DGKB: variants seen among roughly 807,000 people sequenced by gnomAD.
DGKB encodes the protein diacylglycerol kinase beta.
Under a neutral mutation model 114.3 loss-of-function variants are expected in DGKB, and 67 were observed. The ratio of observed to expected loss-of-function variants is 0.59; its 90% confidence interval spans 0.48 to 0.72. The LOEUF (loss-of-function observed/expected upper bound fraction) is 0.72, where lower values mean the gene tolerates loss of function less well. Ranked by LOEUF, DGKB falls within the 30% of genes least tolerant of loss-of-function variation. The pLI, the probability that DGKB is intolerant of heterozygous loss-of-function variation, is 0.00. For missense variants in DGKB, 907 were observed against 975.2 expected (o/e 0.93, Z 0.93); for synonymous variants, 398 against 323.1 (o/e 1.23, Z -2.49).
chr7:14,146,882 G>A lies in DGKB; in HGVS notation c.*2249C>T, dbSNP rs755530818. The stretch of plus-strand genomic sequence containing the variant: ...ATCTTATAAGCAGGTTGTTTAATTT[G>A]TCTCATCCCACTGTCTATCCAACAG... On this transcript the variant is annotated 3_prime_UTR_variant, in exon 26 of 26. Transcript: ENST00000402815. 2 of 152,014 alleles carry A rather than the reference G, an allele frequency of 1.3e-5. No individual in the cohort carries two copies. Among genetic ancestry groups the A allele is most frequent in the African/African-American group, 2.4e-5 (1 of 41,402 alleles). The allele number at this position is 152,014 out of a possible 1,614,324, so 9.4% of individuals were successfully genotyped here.
intron 13 of DGKB, among the ~76,000 whole-genome samples, chr7:14,657,417 T>C (rs1336615817): frequency 6.6e-6 from 1 of 151,880 alleles, no homozygotes; most frequent in Non-Finnish European, 1.5e-5. Context: ...AATTGATCTA[T>C]AATGAATATT....
At chr7:14,349,246 A>C (rs1813022298) in intron 21 of DGKB, among the ~76,000 whole-genome samples, 1 of 152,146 alleles carries the variant, frequency 6.6e-6, no homozygotes, top group African/African-American at 2.4e-5. Flanking sequence ...TTACTGATTT[A>C]TGCCATACCT....
chr7:14,315,030 C>G (rs1194908295), intron 23 of DGKB, among the ~76,000 whole-genome samples: 4 of 151,798 alleles, frequency 2.6e-5, no homozygotes, highest in Non-Finnish European at 5.9e-5. Flanking sequence ...TGCAGCCAAA[C>G]TAAGCTTCAA....
At chr7:14,458,965 G>C (rs113079350) in intron 21 of DGKB, among the ~76,000 whole-genome samples, 2 of 152,268 alleles carry the variant, frequency 1.3e-5, no homozygotes, top group Admixed American at 6.5e-5. Flanking sequence ...TGAAATTCTC[G>C]CTGTCAGCAC....
chr7:14,517,173 C>T (rs1788944987), intron 20 of DGKB, among the ~76,000 whole-genome samples: 2 of 152,042 alleles, frequency 1.3e-5, no homozygotes, highest in Non-Finnish European at 1.5e-5. Context: ...ACCGTCTGAT[C>T]TTCAACAAAG....
At chr7:14,300,778 C>A (rs1443386302) in intron 23 of DGKB, among the ~76,000 whole-genome samples, 1 of 151,990 alleles carries the variant, frequency 6.6e-6, no homozygotes, top group Non-Finnish European at 1.5e-5. Context: ...TACTCTTTTT[C>A]CATTTCCTGG....
Position 14,675,464 on chromosome 7 carries a change from A to T in DGKB, c.1036-2437T>A, listed in dbSNP as rs1304545148. ...CTAGTTTCCCAGAAGGAAGGAAAGA[A>T]TCGAAGACTCAGATAGAATCATGCA... is the stretch of plus-strand genomic sequence containing the variant. On this transcript the variant is annotated intron_variant, in intron 12 of 25. Coordinates refer to ENST00000402815, the MANE Select transcript of DGKB (RefSeq NM_001350709.2). 3.9e-5 allele frequency among the ~76,000 whole-genome samples: 6 copies of T among 152,220 alleles called. No homozygotes were observed. In the East Asian group the frequency reaches 1.2e-3, roughly 29 times the overall value.
chr7:14,531,334 T>G (rs981341536), intron 20 of DGKB, among the ~76,000 whole-genome samples: 16 of 151,478 alleles, frequency 1.1e-4, no homozygotes, highest in African/African-American at 3.9e-4. Flanking sequence ...AAAACATCAC[T>G]GGAATTTATA....
Position 14,747,777 on chromosome 7 carries a change from A to ACGCG in DGKB, c.168+6150_168+6151insCGCG, listed in dbSNP as rs1374358213. Among the ~76,000 whole-genome samples the ACGCG allele has an allele frequency of 2.1e-4, 16 of 77,520 alleles. No homozygotes were observed. The African/African-American group carries it at 2.1e-3, about 10-fold the overall frequency. The allele number at this position is 77,520 out of a possible 152,430, so 50.9% of individuals were successfully genotyped here. ...TGTGGGCTCAAACACATCCACGCGC[A>ACGCG]CGCACACACACACACACACACACAA... On this transcript the variant is annotated intron_variant, in intron 4 of 25. Transcript: ENST00000402815.
At chr7:14,647,362 G>C (rs540642971) in intron 13 of DGKB, among the ~76,000 whole-genome samples, 15 of 151,982 alleles carry the variant, frequency 9.9e-5, no homozygotes, top group African/African-American at 3.6e-4. Context: ...ACAACAACAA[G>C]GCCCAGGACA....
chr7:14,839,274 A>G (rs1847579519), intron 2 of DGKB, among the ~76,000 whole-genome samples: 1 of 152,186 alleles, frequency 6.6e-6, no homozygotes, highest in African/African-American at 2.4e-5. Flanking sequence ...AGCAGCAAAG[A>G]GCAGAGCATA....
intron 2 of DGKB, among the ~76,000 whole-genome samples, chr7:14,803,373 C>T (rs752851866): frequency 6.6e-6 from 1 of 152,080 alleles, no homozygotes; most frequent in African/African-American, 2.4e-5. Flanking sequence ...TTAATCCTTG[C>T]ATCTAATACT....
chr7:14,854,628 T>C (rs1352696383), intron 1 of DGKB, among the ~76,000 whole-genome samples: 1 of 152,148 alleles, frequency 6.6e-6, no homozygotes, highest in East Asian at 1.9e-4. Flanking sequence ...GAGGCGGAGC[T>C]CAGGTGGTAA....
chr7:14,671,118 A>G (rs1818889876), intron 13 of DGKB, among the ~76,000 whole-genome samples: 1 of 152,148 alleles, frequency 6.6e-6, no homozygotes, highest in African/African-American at 2.4e-5. Context: ...TTAACATGGT[A>G]ATGCAATCAA....
At chr7:14,600,909 C>T (rs1375890659) in intron 17 of DGKB, among the ~76,000 whole-genome samples, 1 of 152,178 alleles carries the variant, frequency 6.6e-6, no homozygotes, top group Non-Finnish European at 1.5e-5. Flanking sequence ...CTCTCTCAGG[C>T]TGGCTTTACT....
intron 20 of DGKB, among the ~76,000 whole-genome samples, chr7:14,562,261 T>C (rs548379537): frequency 1.1e-4 from 17 of 152,322 alleles, no homozygotes; most frequent in African/African-American, 4.1e-4. Flanking sequence ...CATCTGGATA[T>C]CCAGGAAGAA....
intron 20 of DGKB, among the ~76,000 whole-genome samples, chr7:14,512,733 C>T (rs1335326399): frequency 6.6e-6 from 1 of 151,944 alleles, no homozygotes; most frequent in Non-Finnish European, 1.5e-5. Flanking sequence ...TTAGAAGGCT[C>T]CCTGTCCCTT....
chr7:14,463,879 A>C (rs996662702), intron 21 of DGKB, among the ~76,000 whole-genome samples: 1 of 152,206 alleles, frequency 6.6e-6, no homozygotes, highest in African/African-American at 2.4e-5. Flanking sequence ...AGAAATATAA[A>C]TGATGAGTTT....
chr7:14,347,168 G>T (rs1445755094), intron 21 of DGKB, among the ~76,000 whole-genome samples: 3 of 151,704 alleles, frequency 2.0e-5, no homozygotes, highest in African/African-American at 7.3e-5. Context: ...AGGCCCACTG[G>T]GATCTTGGTT....
Sources: allele counts gnomAD v4.1 joint callset (sites outside exome capture counted in the v4.1 genomes callset), GRCh38; gene constraint gnomAD v4.1.1; transcripts MANE v1.5; gene names NCBI Gene and HGNC (gene_info 2026-07-23, HGNC 2026-07-21).